The following GNAZ variants were observed in gnomAD, a reference collection of about 807,000 sequenced individuals.
The protein encoded by GNAZ is G protein subunit alpha z, also known as guanine nucleotide-binding protein G(z) subunit alpha.
Under a neutral mutation model 25.4 loss-of-function variants are expected in GNAZ, and 3 were observed. The ratio of observed to expected loss-of-function variants is 0.12; its 90% CI spans 0.05 to 0.30. The LOEUF is 0.30. Ranked by LOEUF, GNAZ falls within the 10% of genes least tolerant of loss-of-function variation. The probability of loss-of-function intolerance (pLI) is 1.00; values close to 1 mark genes in which losing one functional copy is unlikely to be tolerated. For missense variants in GNAZ, 241 were observed against 501.8 expected (o/e 0.48, Z 4.97); for synonymous variants, 211 against 205.7 (o/e 1.03, Z -0.22).
chr22:23,082,074 G>A (rs1465292687), intron 1 of GNAZ, among the ~76,000 whole-genome samples: 1 of 148,334 alleles, frequency 6.7e-6, no homozygotes. Flanking sequence ...GCAGTGAGCC[G>A]AGATCGTGCC....
At chr22:23,115,223 T>C (rs2069789987) in intron 2 of GNAZ, among the ~76,000 whole-genome samples, 1 of 152,148 alleles carries the variant, frequency 6.6e-6, no homozygotes, top group Admixed American at 6.5e-5. Context: ...ATCACCCACC[T>C]ATTCCCCAAT....
intron 2 of GNAZ, among the ~76,000 whole-genome samples, chr22:23,116,498 C>A (rs1287107270): frequency 1.3e-5 from 2 of 152,226 alleles, no homozygotes; most frequent in Non-Finnish European, 2.9e-5. Context: ...CACTGAGCTA[C>A]CTCATGCAGG....
intron 2 of GNAZ, among the ~76,000 whole-genome samples, chr22:23,110,985 G>A (rs1250306544): frequency 6.6e-6 from 1 of 152,210 alleles, no homozygotes; most frequent in Non-Finnish European, 1.5e-5. Context: ...GGTGCTGGGT[G>A]AACCAAGCAC....
chr22:23,080,053 C>T (rs903783891), intron 1 of GNAZ, among the ~76,000 whole-genome samples: 4 of 152,132 alleles, frequency 2.6e-5, no homozygotes, highest in African/African-American at 9.7e-5. Context: ...GAGCCAGGAG[C>T]CTGGGGCTAC....
In GNAZ at chr22:23,123,678, T is replaced by A. The variant is rs563737935; in HGVS notation, c.*247T>A. ...GGAGATGGCAAAATCCTCTAAAATG[T>A]CGAGGTCTCTTGAAGACTTGAGAAG... On this transcript the variant is annotated 3_prime_UTR_variant, in exon 3 of 3. Transcript: ENST00000615612. 1.9e-6 allele frequency: 1 copy of A among 531,774 alleles called. No individual in the cohort carries two copies. The highest frequency in any genetic ancestry group is 3.2e-5 in the Admixed American group (1 of 30,978). 32.9% of individuals were successfully genotyped at this position (531,774 alleles called of 1,614,324 possible).
chr22:23,116,384 G>C (rs912568230), intron 2 of GNAZ, among the ~76,000 whole-genome samples: 2 of 152,244 alleles, frequency 1.3e-5, no homozygotes, highest in Non-Finnish European at 2.9e-5. Context: ...GTGGCTACGC[G>C]CCTGTGACAG....
At chr22:23,112,376 G>A (rs183296449) in intron 2 of GNAZ, among the ~76,000 whole-genome samples, 84 of 152,294 alleles carry the variant, frequency 5.5e-4, no homozygotes, top group African/African-American at 1.9e-3. Flanking sequence ...TCCCAAGACC[G>A]TGGGAGGTCC....
intron 2 of GNAZ, among the ~76,000 whole-genome samples, chr22:23,117,810 A>G: frequency 6.6e-6 from 1 of 152,370 alleles, no homozygotes; most frequent in East Asian, 1.9e-4. Context: ...CCCTGTGTTC[A>G]TGGCCAGGGA....
At chr22:23,107,739 G>A (rs930984091) in intron 2 of GNAZ, among the ~76,000 whole-genome samples, 2 of 152,176 alleles carry the variant, frequency 1.3e-5, no homozygotes, top group African/African-American at 4.8e-5. Flanking sequence ...TGGCCGCAGG[G>A]TGTGAAAATC....
At chr22:23,091,199 G>T (rs1956844253) in intron 1 of GNAZ, among the ~76,000 whole-genome samples, 1 of 152,152 alleles carries the variant, frequency 6.6e-6, no homozygotes, top group South Asian at 2.1e-4. Flanking sequence ...CATGTACATG[G>T]ATCTGCGCGT....
At chr22:23,075,486 C>T (rs181688798) in intron 1 of GNAZ, among the ~76,000 whole-genome samples, 55 of 152,352 alleles carry the variant, frequency 3.6e-4, no homozygotes, top group Middle Eastern at 3.4e-3. Context: ...CAGCTTCACA[C>T]AGCAATGGCT....
chr22:23,113,744 T>C (rs894988016), intron 2 of GNAZ, among the ~76,000 whole-genome samples: 3 of 152,098 alleles, frequency 2.0e-5, no homozygotes, highest in Admixed American at 1.3e-4. Context: ...ACTAGAGAAG[T>C]CTGGGAATGC....
intron 1 of GNAZ, among the ~76,000 whole-genome samples, chr22:23,085,646 A>G (rs1159522475): frequency 6.6e-6 from 1 of 152,206 alleles, no homozygotes; most frequent in Non-Finnish European, 1.5e-5. Context: ...CCACAGCCCA[A>G]CAGCCTCCAT....
chr22:23,101,173 C>A (rs199683530), intron 2 of GNAZ, among the ~76,000 whole-genome samples: 2 of 152,178 alleles, frequency 1.3e-5, no homozygotes, highest in East Asian at 3.9e-4. Context: ...CCTTATATAT[C>A]CTTTAGTGTT....
chr22:23,117,088 G>A (rs891923972), intron 2 of GNAZ, among the ~76,000 whole-genome samples: 8 of 152,170 alleles, frequency 5.3e-5, no homozygotes, highest in Admixed American at 2.0e-4. Context: ...ATCCAGCTGG[G>A]ATGCAGGAAA....
intron 1 of GNAZ, among the ~76,000 whole-genome samples, chr22:23,084,685 C>A (rs1223022624): frequency 6.6e-6 from 1 of 152,342 alleles, no homozygotes; most frequent in East Asian, 1.9e-4. Context: ...TGATGCAATG[C>A]AGCCTTGAGA....
At chr22:23,091,325 G>A (rs1433184232) in intron 1 of GNAZ, among the ~76,000 whole-genome samples, 7 of 151,796 alleles carry the variant, frequency 4.6e-5, no homozygotes, top group South Asian at 2.1e-4. Flanking sequence ...CACACATACC[G>A]CAATGGACCT....
chr22:23,112,872 T>C (rs182197681), intron 2 of GNAZ, among the ~76,000 whole-genome samples: 2 of 152,172 alleles, frequency 1.3e-5, no homozygotes, highest in African/African-American at 2.4e-5. Context: ...GGGCCTGGTC[T>C]GGGGACCCCA....
chr22:23,070,997 C>G (rs2068355500), intron 1 of GNAZ, among the ~76,000 whole-genome samples: 1 of 152,192 alleles, frequency 6.6e-6, no homozygotes, highest in East Asian at 1.9e-4. Context: ...GAGGGGCGGC[C>G]GGAGCCGATG....
Sources: allele counts gnomAD v4.1 joint callset (sites outside exome capture counted in the v4.1 genomes callset), GRCh38; gene constraint gnomAD v4.1.1; transcripts MANE v1.5; gene names NCBI Gene and HGNC (gene_info 2026-07-23, HGNC 2026-07-21).